The following TRAK1 variants were observed in gnomAD, a reference collection of about 807,000 sequenced individuals.
The protein encoded by TRAK1 is trafficking kinesin-binding protein 1.
TRAK1 carries 33 observed loss-of-function variants against 92.1 expected under a neutral mutation model. That is an observed-to-expected ratio of 0.36 (90% CI 0.27 to 0.48). The LOEUF (loss-of-function observed/expected upper bound fraction) is 0.48, where lower values mean the gene tolerates loss of function less well. TRAK1 is among the 20% of genes least tolerant of loss of function. TRAK1 has a pLI of 0.99. For synonymous variants in TRAK1, 521 were observed against 517.3 expected, an observed-to-expected ratio of 1.01 and a Z score of -0.10; for missense variants, 1,123 against 1,257.9, an observed-to-expected ratio of 0.89 and a Z score of 1.62.
intron 1 of TRAK1, among the ~76,000 whole-genome samples, chr3:42,110,253 C>T (rs1708206831): frequency 6.6e-6 from 1 of 151,522 alleles, no homozygotes; most frequent in South Asian, 2.1e-4. Flanking sequence ...ACGGGCAGTT[C>T]CCGGCTGTGG....
At chr3:42,025,246 T>C (rs949344575) in intron 1 of TRAK1, among the ~76,000 whole-genome samples, 1 of 152,156 alleles carries the variant, frequency 6.6e-6, no homozygotes, top group African/African-American at 2.4e-5. Flanking sequence ...CCAGCACTCC[T>C]GGAGGGGCCT....
chr3:42,199,288 A>G, intron 11 of TRAK1, 35 bp downstream of exon 11: 2 of 1,610,470 alleles, frequency 1.2e-6, no homozygotes, highest in Non-Finnish European at 8.5e-7. Context: ...TGAGATTCCC[A>G]GAGACCAACT....
intron 2 of TRAK1, among the ~76,000 whole-genome samples, chr3:42,131,409 C>G (rs965412994): frequency 9.9e-5 from 15 of 152,134 alleles, no homozygotes; most frequent in African/African-American, 3.6e-4. Flanking sequence ...AACCCTGATG[C>G]ACCTAGAGCT....
At chr3:42,063,702 AGTG>A (rs1291095667) in intron 1 of TRAK1, among the ~76,000 whole-genome samples, 2 of 150,884 alleles carry the variant, frequency 1.3e-5, no homozygotes, top group Non-Finnish European at 3.0e-5. Flanking sequence ...AAAAAAAAAA[AGTG>A]GTGGGAGCCA....
upstream of TRAK1, among the ~76,000 whole-genome samples, chr3:42,089,683 C>CCG (rs1001932641): frequency 6.6e-6 from 1 of 150,798 alleles, no homozygotes; most frequent in Non-Finnish European, 1.5e-5. Context: ...TGACCCCCCC[C>CCG]CAATACAGAG....
At chr3:42,180,962 G>A (rs981737394) in intron 3 of TRAK1, among the ~76,000 whole-genome samples, 7 of 152,116 alleles carry the variant, frequency 4.6e-5, no homozygotes, top group Non-Finnish European at 8.8e-5. Context: ...TACATTTCTG[G>A]TATAGACCAG....
chr3:42,161,394 T>C (rs1230249958), intron 2 of TRAK1, among the ~76,000 whole-genome samples: 3 of 152,210 alleles, frequency 2.0e-5, no homozygotes, highest in African/African-American at 7.2e-5. Context: ...TTCTTTTTTT[T>C]GGGACGGGGT....
intron 1 of TRAK1, among the ~76,000 whole-genome samples, chr3:42,063,568 C>A (rs1703543155): frequency 6.6e-6 from 1 of 152,040 alleles, no homozygotes; most frequent in Non-Finnish European, 1.5e-5. Flanking sequence ...CGCCTGTAGC[C>A]CCGTCTCCTT....
upstream of TRAK1, among the ~76,000 whole-genome samples, chr3:42,085,360 G>A (rs532244117): frequency 3.9e-5 from 6 of 152,164 alleles, no homozygotes; most frequent in African/African-American, 1.4e-4. Context: ...GCAGAGATGG[G>A]GTTTCACCAT....
At position 42,160,300 on chromosome 3, in the gene TRAK1, T is replaced by A. The variant is rs1350738908; in HGVS notation, c.287-16514T>A. On this transcript the variant is annotated intron_variant, in intron 2 of 15. Transcript: ENST00000327628. ...CTGCATGGCTCCTCTGGGTAGGGGGTCGGGGGCACCCCCAAGGATGGTCCC... is the reference window on the plus strand; with the variant it reads ...CTGCATGGCTCCTCTGGGTAGGGGGACGGGGGCACCCCCAAGGATGGTCCC... 2.5e-6 allele frequency: 4 copies of A among 1,590,352 alleles called. No individual in the cohort carries two copies. In the East Asian group the frequency reaches 9.0e-5, roughly 36 times the overall value.
Position 42,055,302 on chromosome 3 carries a change from A to G in TRAK1, c.-518-31802A>G, listed in dbSNP as rs1703155651. ...GACACCCCAAAGAAACTGCCCGTAA[A>G]ACTCTCTCTCTTTATAAAACTCTCT... On this transcript the variant is annotated intron_variant, in intron 1 of 16. Coordinates refer to the TRAK1 transcript ENST00000487159. 1.3e-5 allele frequency among the ~76,000 whole-genome samples: 2 copies of G among 152,156 alleles called. 1 individual carries two copies. Among genetic ancestry groups the G allele is most frequent in the African/African-American group, 4.8e-5 (2 of 41,442 alleles).
rs1207995247 is a variant in TRAK1, at chr3:42,077,699, T to A, written c.-518-9405T>A. Reference sequence around the variant, plus strand: ...AGCTGTATTCCTAGGTATTTTGTTCTTTTTGTGGCTATTGTGAATGGGACT... The same window carrying A: ...AGCTGTATTCCTAGGTATTTTGTTCATTTTGTGGCTATTGTGAATGGGACT... On this transcript the variant is annotated intron_variant, in intron 1 of 16. Coordinates refer to the TRAK1 transcript ENST00000487159. 2.0e-5 allele frequency among the ~76,000 whole-genome samples: 3 copies of A among 152,228 alleles called. No homozygotes were observed. The East Asian group carries it at 5.8e-4, about 29-fold the overall frequency.
At chr3:42,191,507 C>A in intron 6 of TRAK1, 51 bp from the exon 7 acceptor site, 1 of 1,533,762 alleles carries the variant, frequency 6.5e-7, no homozygotes, top group Non-Finnish European at 8.8e-7. Context: ...CTTGCCTGCA[C>A]CACCAGGCCA....
chr3:42,143,242 A>AG (rs1698895541), intron 2 of TRAK1, among the ~76,000 whole-genome samples: 1 of 150,208 alleles, frequency 6.7e-6, no homozygotes, highest in Admixed American at 6.6e-5. Flanking sequence ...AAAAAAAAAA[A>AG]CTTCTCAATT....
At chr3:42,059,095 C>T (rs577032193) in intron 1 of TRAK1, among the ~76,000 whole-genome samples, 1 of 147,074 alleles carries the variant, frequency 6.8e-6, no homozygotes, top group African/African-American at 2.5e-5. Context: ...CTTCAGGGAA[C>T]TTTTTTTTTT....
At chr3:42,188,946 C>A in intron 5 of TRAK1, 70 bp from the exon 6 acceptor site, 2 of 1,138,664 alleles carry the variant, frequency 1.8e-6, no homozygotes, top group South Asian at 1.3e-5. Context: ...TTCTTTGTGT[C>A]TCCACATGGT....
Position 42,223,715 on chromosome 3 carries a change from C to T in TRAK1, c.2840C>T (p.Ser947Phe). Reference protein sequence around the residue: ...TSGILMGAKLSKQTSLR With the variant: ...TSGILMGAKLFKQTSLR ...GGCATCTTGATGGGTGCTAAGCTCTCCAAACAAACTAGCTTACGGTGAGGA... is the reference window on the plus strand; with the variant it reads ...GGCATCTTGATGGGTGCTAAGCTCTTCAAACAAACTAGCTTACGGTGAGGA... Residue 947 changes from serine (S) to phenylalanine (F), a missense_variant, in exon 16 of 16, where the codon TCC (serine) becomes TTC (phenylalanine). Around this residue, in one of 3 missense-constraint regions of TRAK1, gnomAD observed 401 missense variants for 438.9 expected, o/e 0.91. Transcript: ENST00000327628. The surrounding 1 kb of genome is among the most constrained non-coding windows in gnomAD (Gnocchi z 6.1). 6.2e-7 allele frequency: 1 copy of T among 1,606,782 alleles called. No individual in the cohort carries two copies. The highest frequency in any genetic ancestry group is 1.1e-5 in the South Asian group (1 of 90,908).
At position 42,105,248 on chromosome 3, in the gene TRAK1, C is replaced by T. The variant is rs564315422; in HGVS notation, c.91+13688C>T. On this transcript the variant is annotated intron_variant, in intron 1 of 15. Transcript: ENST00000327628. ...GGATTACAGGCATGAGCCACCACGC[C>T]CAGCAGAAGCTAAAAGTCTTAAAAA... Among the ~76,000 whole-genome samples the T allele has an allele frequency of 3.9e-5, 6 of 152,272 alleles. No homozygotes were observed. In the East Asian group the frequency reaches 7.7e-4, roughly 20 times the overall value.
chr3:42,132,665 CCGTCAGG>C (rs1429732190), intron 2 of TRAK1, among the ~76,000 whole-genome samples: 1 of 152,152 alleles, frequency 6.6e-6, no homozygotes, highest in Non-Finnish European at 1.5e-5. Flanking sequence ...CCAGGCCCCA[CCGTCAGG>C]CATAGTCATT....
Sources: gnomAD v4.1 joint callset for allele counts (sites outside exome capture counted in the v4.1 genomes callset) on GRCh38, gnomAD v4.1.1 for gene constraint, gnomAD v4.1.1 regional missense constraint, Gnocchi (gnomAD v3.1) non-coding constraint, MANE v1.5 for transcripts, NCBI Gene and HGNC (gene_info 2026-07-23, HGNC 2026-07-21) for gene names.